Variants in ADARB2 observed in about 807,000 individuals in gnomAD.
The protein encoded by ADARB2 is adenosine deaminase RNA specific B2 (inactive).
Under a neutral mutation model 62.2 loss-of-function variants are expected in ADARB2, and 25 were observed. The observed-to-expected ratio is 0.40, with a 90% confidence interval of 0.29 to 0.56. The LOEUF is 0.56. Among genes scored for constraint, ADARB2 ranks in the 20% least tolerant of loss-of-function variants. ADARB2 has a pLI of 0.43. For synonymous variants in ADARB2, 572 were observed against 500.8 expected (o/e 1.14, Z -1.90); for missense variants, 1,071 against 1,077.4 (o/e 0.99, Z 0.08).
intron 4 of ADARB2, among the ~76,000 whole-genome samples, chr10:1,264,118 C>T (rs751760543): frequency 2.6e-5 from 4 of 152,254 alleles, no homozygotes; most frequent in Non-Finnish European, 5.9e-5. Context: ...ACAGCATCAG[C>T]TTCACATTTC....
chr10:1,217,156 G>C, intron 6 of ADARB2, 37 bp from the exon 7 acceptor site: 2 of 1,517,494 alleles, frequency 1.3e-6, no homozygotes, highest in Non-Finnish European at 1.8e-6. Flanking sequence ...TGAGAAGAGG[G>C]AAGCCGCCTT....
At chr10:1,664,733 A>G (rs191938313) in intron 1 of ADARB2, among the ~76,000 whole-genome samples, 1 of 152,200 alleles carries the variant, frequency 6.6e-6, no homozygotes, top group African/African-American at 2.4e-5. Context: ...CACAGTCAGC[A>G]GACGGCAAGG....
At chr10:1,388,696 C>T (rs1832544575) in intron 1 of ADARB2, among the ~76,000 whole-genome samples, 1 of 152,010 alleles carries the variant, frequency 6.6e-6, no homozygotes, top group Non-Finnish European at 1.5e-5. Context: ...CATTTACAAA[C>T]AATTGCTAAA....
At chr10:1,348,415 C>G (rs541828147) in intron 3 of ADARB2, among the ~76,000 whole-genome samples, 1 of 152,102 alleles carries the variant, frequency 6.6e-6, no homozygotes, top group African/African-American at 2.4e-5. Flanking sequence ...GGCTGTCAGG[C>G]GACGCCTGAG....
intron 3 of ADARB2, among the ~76,000 whole-genome samples, chr10:1,304,544 C>G (rs1000626292): frequency 4.6e-5 from 7 of 152,198 alleles, no homozygotes; most frequent in African/African-American, 1.4e-4. Flanking sequence ...ATCTACAGAA[C>G]TCTCCACCCC....
chr10:1,230,821 C>T (rs1025869113), intron 6 of ADARB2, among the ~76,000 whole-genome samples: 2 of 152,168 alleles, frequency 1.3e-5, no homozygotes, highest in Non-Finnish European at 2.9e-5. Context: ...AGAGGCACAG[C>T]ACAGGCAGGA....
At position 1,327,571 on chromosome 10, in the gene ADARB2, T is replaced by C. The variant is rs1175086283; in HGVS notation, c.1077+35457A>G. The stretch of plus-strand genomic sequence containing the variant: ...CGCCTCCTCACGGCCCAGCGCCTCC[T>C]CACTGCACAGCGCCTCCTCACTGCA... On this transcript the variant is annotated intron_variant, in intron 3 of 9. Coordinates refer to ENST00000381312, the MANE Select transcript of ADARB2 (RefSeq NM_018702.4). 7.6e-5 allele frequency among the ~76,000 whole-genome samples: 5 copies of C among 65,952 alleles called. 2 individuals are homozygous for C. The highest frequency in any genetic ancestry group is 4.5e-4 in the African/African-American group (5 of 11,220). The allele number at this position is 65,952 out of a possible 152,430, so 43.3% of individuals were successfully genotyped here.
At chr10:1,633,549 C>CATATATCTATCTATCTATCTATCT (rs113694941) in intron 1 of ADARB2, among the ~76,000 whole-genome samples, 1 of 101,610 alleles carries the variant, frequency 9.8e-6, no homozygotes, top group African/African-American at 3.2e-5. Flanking sequence ...GTCTATCTAT[C>CATATATCTATCTATCTATCTATCT]ATCTATCTAT....
At chr10:1,579,880 G>A (rs1020524916) in intron 1 of ADARB2, among the ~76,000 whole-genome samples, 4 of 152,050 alleles carry the variant, frequency 2.6e-5, no homozygotes, top group Non-Finnish European at 5.9e-5. Flanking sequence ...TTCTCTCCCC[G>A]AATCTCCCCA....
intron 2 of ADARB2, among the ~76,000 whole-genome samples, chr10:1,366,853 G>A (rs139692823): frequency 0.012 from 1,776 of 152,330 alleles, 14 homozygotes; most frequent in Non-Finnish European, 0.019. Context: ...GGCTTTGTCC[G>A]TGGGGACAGG....
intron 1 of ADARB2, among the ~76,000 whole-genome samples, chr10:1,484,512 T>C (rs1300847446): frequency 6.6e-6 from 1 of 152,184 alleles, no homozygotes; most frequent in Non-Finnish European, 1.5e-5. Context: ...TCCATGAAAA[T>C]GCTGGGTGGA....
At chr10:1,505,133 CACAT>C (rs1325671876) in intron 1 of ADARB2, among the ~76,000 whole-genome samples, 2 of 151,682 alleles carry the variant, frequency 1.3e-5, no homozygotes, top group Non-Finnish European at 2.9e-5. Context: ...TAGACATGCA[CACAT>C]ACAGACACAC....
intron 1 of ADARB2, among the ~76,000 whole-genome samples, chr10:1,469,590 T>C (rs536478093): frequency 1.3e-5 from 2 of 152,234 alleles, no homozygotes; most frequent in Middle Eastern, 3.4e-3. Context: ...CAGAAATCAG[T>C]TTATTGAATT....
intron 1 of ADARB2, among the ~76,000 whole-genome samples, chr10:1,511,627 A>C (rs1364119670): frequency 6.6e-6 from 1 of 152,086 alleles, no homozygotes; most frequent in African/African-American, 2.4e-5. Flanking sequence ...CTGGATACCA[A>C]GACATGGAGC....
At chr10:1,657,898 C>T (rs898936804) in intron 1 of ADARB2, among the ~76,000 whole-genome samples, 3 of 152,020 alleles carry the variant, frequency 2.0e-5, no homozygotes, top group Non-Finnish European at 2.9e-5. Context: ...TGTTTCTCCC[C>T]GTCTCTGTCT....
intron 3 of ADARB2, among the ~76,000 whole-genome samples, chr10:1,357,892 C>T (rs544662156): frequency 6.6e-6 from 1 of 152,336 alleles, no homozygotes; most frequent in Admixed American, 6.5e-5. Context: ...GAATTAAAGA[C>T]CTTTTGGTAG....
At chr10:1,265,790 C>T (rs1477192861) in intron 4 of ADARB2, among the ~76,000 whole-genome samples, 49 of 143,926 alleles carry the variant, frequency 3.4e-4, no homozygotes, top group Non-Finnish European at 5.5e-4. Flanking sequence ...GCCAGGTCCA[C>T]GCTCCCCCGG....
At chr10:1,645,453 G>A (rs959319644) in intron 1 of ADARB2, among the ~76,000 whole-genome samples, 2 of 152,194 alleles carry the variant, frequency 1.3e-5, no homozygotes, top group Non-Finnish European at 2.9e-5. Context: ...TAAGGGGGAT[G>A]CAACCACTTT....
At chr10:1,340,275 G>C (rs2494219) in intron 3 of ADARB2, among the ~76,000 whole-genome samples, 2 of 48,812 alleles carry the variant, frequency 4.1e-5, no homozygotes, top group African/African-American at 1.7e-4. Context: ...GGCAATAACC[G>C]GCATCCACCA....
Sources: gnomAD v4.1 joint callset for allele counts (sites outside exome capture counted in the v4.1 genomes callset) on GRCh38, gnomAD v4.1.1 for gene constraint, MANE v1.5 for transcripts, NCBI Gene and HGNC (gene_info 2026-07-23, HGNC 2026-07-21) for gene names.